Variants in SKAP2 observed in about 807,000 individuals in gnomAD.
SKAP2 encodes the protein src kinase associated phosphoprotein 2.
Under a neutral mutation model 54.9 loss-of-function variants are expected in SKAP2, and 28 were observed. That is an observed-to-expected ratio of 0.51 (90% CI 0.38 to 0.70). The LOEUF (loss-of-function observed/expected upper bound fraction) is 0.70, where lower values mean the gene tolerates loss of function less well. Ranked by LOEUF, SKAP2 falls within the 30% of genes least tolerant of loss-of-function variation. The pLI, the probability that SKAP2 is intolerant of heterozygous loss-of-function variation, is 0.00. For missense variants in SKAP2, 356 were observed against 424.1 expected, an observed-to-expected ratio of 0.84 and a Z score of 1.41; for synonymous variants, 137 against 134.3, an observed-to-expected ratio of 1.02 and a Z score of -0.14.
intron 4 of SKAP2, among the ~76,000 whole-genome samples, chr7:26,767,331 T>G (rs578028341): frequency 8.5e-5 from 13 of 152,308 alleles, no homozygotes; most frequent in African/African-American, 2.6e-4. Flanking sequence ...TTATCATTTT[T>G]TATTGTGTCT....
At chr7:26,773,807 A>C (rs1352463825) in intron 4 of SKAP2, among the ~76,000 whole-genome samples, 2 of 152,216 alleles carry the variant, frequency 1.3e-5, no homozygotes, top group Non-Finnish European at 2.9e-5. Flanking sequence ...GATATGACAA[A>C]ACAATAACCA....
intron 11 of SKAP2, among the ~76,000 whole-genome samples, chr7:26,682,089 C>T (rs999310148): frequency 2.6e-5 from 4 of 152,096 alleles, no homozygotes; most frequent in South Asian, 2.1e-4. Context: ...AAACACACTG[C>T]GAGGCACCTA....
At chr7:26,762,062 T>C (rs979277437) in intron 4 of SKAP2, among the ~76,000 whole-genome samples, 10 of 152,224 alleles carry the variant, frequency 6.6e-5, no homozygotes, top group Non-Finnish European at 1.2e-4. Context: ...TATTTCATAC[T>C]ATCTTGAAAC....
At chr7:26,693,332 C>CAA (rs34775523) in intron 9 of SKAP2, among the ~76,000 whole-genome samples, 2 of 79,872 alleles carry the variant, frequency 2.5e-5, no homozygotes, top group Admixed American at 1.3e-4. Flanking sequence ...AGCTCCATCT[C>CAA]AAAAAAAAAA....
chr7:26,759,846 G>C (rs945452672), intron 4 of SKAP2, among the ~76,000 whole-genome samples: 3 of 152,098 alleles, frequency 2.0e-5, no homozygotes, highest in African/African-American at 7.2e-5. Context: ...CCCATTTGTA[G>C]AGAACCATTT....
At chr7:26,824,076 G>A (rs1784440277) in intron 4 of SKAP2, among the ~76,000 whole-genome samples, 1 of 146,784 alleles carries the variant, frequency 6.8e-6, no homozygotes, top group African/African-American at 2.5e-5. Flanking sequence ...ACATGCCAGA[G>A]GGAAATCTTT....
At chr7:26,756,208 C>T (rs538328585) in intron 4 of SKAP2, among the ~76,000 whole-genome samples, 4 of 152,106 alleles carry the variant, frequency 2.6e-5, no homozygotes, top group African/African-American at 4.8e-5. Flanking sequence ...ACTTTAAGTT[C>T]GGGTACAGGT....
chr7:26,846,143 T>C (rs1380392508), intron 3 of SKAP2, among the ~76,000 whole-genome samples: 3 of 152,100 alleles, frequency 2.0e-5, no homozygotes, highest in African/African-American at 7.2e-5. Flanking sequence ...GGTATGAATT[T>C]TCCAAGAATA....
intron 9 of SKAP2, among the ~76,000 whole-genome samples, chr7:26,696,030 G>A (rs1049488114): frequency 4.6e-5 from 7 of 152,192 alleles, no homozygotes; most frequent in Admixed American, 6.5e-5. Flanking sequence ...TGGAAGAAGG[G>A]TTGGAAAAGT....
intron 5 of SKAP2, 120 bp downstream of exon 5, chr7:26,739,767 T>C: frequency 1.5e-6 from 1 of 664,982 alleles, no homozygotes; most frequent in Non-Finnish European, 2.5e-6. Flanking sequence ...CCAGATTTTC[T>C]TACAATCTTT....
intron 4 of SKAP2, among the ~76,000 whole-genome samples, chr7:26,834,696 G>A (rs1249280538): frequency 6.6e-6 from 1 of 152,134 alleles, no homozygotes; most frequent in Admixed American, 6.5e-5. Flanking sequence ...AATTGAGGCA[G>A]TAATTAACAG....
Position 26,822,740 on chromosome 7 carries a change from A to G in SKAP2, c.307+21290T>C, listed in dbSNP as rs976420448. On this transcript the variant is annotated intron_variant, in intron 4 of 12. Coordinates refer to ENST00000345317, the MANE Select transcript of SKAP2 (RefSeq NM_003930.5). ...AATACAAAAAAAAAAAAAATTAGCCAGGCGTGGTGGCGGGCGCCTGCAGTC... is the reference window on the plus strand; with the variant it reads ...AATACAAAAAAAAAAAAAATTAGCCGGGCGTGGTGGCGGGCGCCTGCAGTC... Among the ~76,000 whole-genome samples the G allele has an allele frequency of 4.6e-5, 7 of 151,634 alleles. No homozygotes were observed. The East Asian group carries it at 9.7e-4, about 21-fold the overall frequency.
downstream of SKAP2, among the ~76,000 whole-genome samples, chr7:26,664,629 T>A (rs184738390): frequency 8.6e-4 from 131 of 152,028 alleles, no homozygotes; most frequent in African/African-American, 2.9e-3. Flanking sequence ...AGGAGTGATA[T>A]TTTTATATTA....
chr7:26,817,962 T>G (rs1362702837), intron 4 of SKAP2, among the ~76,000 whole-genome samples: 1 of 152,104 alleles, frequency 6.6e-6, no homozygotes, highest in Admixed American at 6.6e-5. Flanking sequence ...GGAAAAACAT[T>G]CCATGCTCAT....
chr7:26,684,480 G>C (rs1428626153), intron 11 of SKAP2, among the ~76,000 whole-genome samples: 1 of 152,170 alleles, frequency 6.6e-6, no homozygotes, highest in South Asian at 2.1e-4. Flanking sequence ...TCTGGAGAAG[G>C]CAGTAGGTGG....
At chr7:26,705,663 T>C (rs1787140800) in intron 9 of SKAP2, among the ~76,000 whole-genome samples, 1 of 152,174 alleles carries the variant, frequency 6.6e-6, no homozygotes, top group Admixed American at 6.5e-5. Flanking sequence ...ACTAGAAAAA[T>C]TATCTCAGTA....
chr7:26,789,539 GT>G (rs1783630491), intron 4 of SKAP2, among the ~76,000 whole-genome samples: 1 of 152,132 alleles, frequency 6.6e-6, no homozygotes, highest in African/African-American at 2.4e-5. Context: ...CTATTCCAGT[GT>G]TTTTTAAATG....
At chr7:26,718,230 G>C (rs946433426) in intron 9 of SKAP2, among the ~76,000 whole-genome samples, 1 of 151,448 alleles carries the variant, frequency 6.6e-6, no homozygotes, top group African/African-American at 2.4e-5. Flanking sequence ...AGAAGAGAAA[G>C]GATGGAAATG....
chr7:26,727,247 A>C (rs989225699), intron 6 of SKAP2, among the ~76,000 whole-genome samples: 1 of 152,124 alleles, frequency 6.6e-6, no homozygotes, highest in African/African-American at 2.4e-5. Flanking sequence ...GGAAGTATGG[A>C]AACATGACAC....
Sources: allele counts gnomAD v4.1 joint callset (sites outside exome capture counted in the v4.1 genomes callset), GRCh38; gene constraint gnomAD v4.1.1; transcripts MANE v1.5; gene names NCBI Gene and HGNC (gene_info 2026-07-23, HGNC 2026-07-21).